TNNI3K: variants seen among roughly 807,000 people sequenced by gnomAD.
TNNI3K encodes the protein TNNI3 interacting kinase.
In TNNI3K, 140 loss-of-function variants were observed where a neutral mutation model predicts 114.5. The observed-to-expected ratio is 1.22, with a 90% confidence interval of 1.07 to 1.41. TNNI3K has a LOEUF of 1.41. TNNI3K is among the 40% of genes most tolerant of loss of function. TNNI3K has a pLI of 0.00. For synonymous variants in TNNI3K, 347 were observed against 347.5 expected (o/e 1.00, Z 0.02); for missense variants, 1,125 against 1,007.6 (o/e 1.12, Z -1.58).
intron 17 of TNNI3K, among the ~76,000 whole-genome samples, chr1:74,404,980 A>G (rs955623373): frequency 1.3e-5 from 2 of 152,226 alleles, no homozygotes; most frequent in South Asian, 4.1e-4. Context: ...AGATTTAAAA[A>G]TATTATTTTT....
intron 5 of TNNI3K, among the ~76,000 whole-genome samples, chr1:74,308,111 G>A (rs1018966372): frequency 6.6e-6 from 1 of 151,830 alleles, no homozygotes; most frequent in African/African-American, 2.4e-5. Flanking sequence ...GCTCATCAAG[G>A]CAGAAAACCA....
chr1:74,421,118 C>G (rs1479566774), intron 17 of TNNI3K, among the ~76,000 whole-genome samples: 1 of 152,064 alleles, frequency 6.6e-6, no homozygotes, highest in Non-Finnish European at 1.5e-5. Flanking sequence ...GGTGGAAGAG[C>G]AATTACTGGA....
chr1:74,372,342 A>G (rs12404339), intron 17 of TNNI3K: 44,589 of 151,604 alleles, frequency 0.29, 7,603 homozygotes, highest in East Asian at 0.63. Flanking sequence ...TGTTGCTCAT[A>G]CAGCTCAGAC....
chr1:74,275,830 T>G (rs1043626147), intron 5 of TNNI3K, among the ~76,000 whole-genome samples: 1 of 152,034 alleles, frequency 6.6e-6, no homozygotes, highest in Non-Finnish European at 1.5e-5. Context: ...ATTTCTGTGG[T>G]TTACAATATA....
At chr1:74,369,296 A>C (rs773757277) in intron 15 of TNNI3K, 32 bp downstream of exon 15, 1 of 1,610,308 alleles carries the variant, frequency 6.2e-7, no homozygotes, top group African/African-American at 1.3e-5. Context: ...TTTAACATCC[A>C]GGTGGAATTG....
intron 4 of TNNI3K, among the ~76,000 whole-genome samples, chr1:74,256,609 G>C (rs1235671920): frequency 6.6e-6 from 1 of 151,848 alleles, no homozygotes; most frequent in Admixed American, 6.6e-5. Context: ...AAGAGTAAAA[G>C]GTTTTTGCAT....
At chr1:74,420,874 C>T (rs1432089107) in intron 17 of TNNI3K, among the ~76,000 whole-genome samples, 2 of 152,036 alleles carry the variant, frequency 1.3e-5, no homozygotes, top group African/African-American at 2.4e-5. Flanking sequence ...TCTATATTGT[C>T]AGGAATTTTA....
At chr1:74,355,818 A>G (rs1377549739) in intron 11 of TNNI3K, among the ~76,000 whole-genome samples, 1 of 152,076 alleles carries the variant, frequency 6.6e-6, no homozygotes, top group Non-Finnish European at 1.5e-5. Flanking sequence ...AGACAAGTGA[A>G]CAGACATAGA....
At chr1:74,341,219 T>C (rs1660731009) in intron 7 of TNNI3K, among the ~76,000 whole-genome samples, 1 of 152,316 alleles carries the variant, frequency 6.6e-6, no homozygotes, top group South Asian at 2.1e-4. Context: ...ACTGTAATTA[T>C]TGACTGTTTA....
intron 21 of TNNI3K, among the ~76,000 whole-genome samples, chr1:74,477,462 C>T (rs1335922864): frequency 2.0e-5 from 3 of 152,030 alleles, no homozygotes; most frequent in Non-Finnish European, 2.9e-5. Context: ...GGAAGACTCA[C>T]CTGTCAGGAA....
At chr1:74,340,257 A>G (rs1660686189) in intron 7 of TNNI3K, among the ~76,000 whole-genome samples, 1 of 152,102 alleles carries the variant, frequency 6.6e-6, no homozygotes, top group South Asian at 2.1e-4. Context: ...TCTCTTCAAA[A>G]CAGAGCACCA....
intron 17 of TNNI3K, chr1:74,371,346 A>G (rs1397796135): frequency 2.0e-5 from 3 of 151,860 alleles, no homozygotes; most frequent in African/African-American, 4.8e-5. Flanking sequence ...GACTACATTC[A>G]GGGAGTTTTC....
intron 4 of TNNI3K, among the ~76,000 whole-genome samples, chr1:74,255,400 C>G (rs1003379022): frequency 6.6e-6 from 1 of 151,868 alleles, no homozygotes; most frequent in Non-Finnish European, 1.5e-5. Flanking sequence ...AATGTAACCC[C>G]GTAAGTCTCA....
At chr1:74,320,494 G>T (rs1412624797) in intron 5 of TNNI3K, among the ~76,000 whole-genome samples, 1 of 152,132 alleles carries the variant, frequency 6.6e-6, no homozygotes, top group Non-Finnish European at 1.5e-5. Context: ...AATTAAGAAA[G>T]TATCTTGCAA....
chr1:74,244,857 T>C (rs1654457704), intron 2 of TNNI3K, among the ~76,000 whole-genome samples: 1 of 151,990 alleles, frequency 6.6e-6, no homozygotes, highest in African/African-American at 2.4e-5. Context: ...TAAAGTGATT[T>C]TCATCTCAAC....
chr1:74,390,742 G>A (rs1413609810), intron 17 of TNNI3K, among the ~76,000 whole-genome samples: 2 of 152,074 alleles, frequency 1.3e-5, no homozygotes, highest in African/African-American at 4.8e-5. Flanking sequence ...GGTAAGTGCT[G>A]TAAAATGTAT....
At chr1:74,282,533 G>A (rs1043430737) in intron 5 of TNNI3K, among the ~76,000 whole-genome samples, 2 of 151,818 alleles carry the variant, frequency 1.3e-5, no homozygotes, top group Non-Finnish European at 2.9e-5. Context: ...CTACCCTAAT[G>A]ACCTTATTTT....
At chr1:74,370,512 C>T in intron 17 of TNNI3K, 120 bp downstream of exon 17, 1 of 765,876 alleles carries the variant, frequency 1.3e-6, no homozygotes, top group Non-Finnish European at 1.9e-6. Context: ...GTTAAGAGGA[C>T]AGGCTACCAT....
At chr1:74,380,187 T>C (rs1315637082) in intron 17 of TNNI3K, among the ~76,000 whole-genome samples, 3 of 152,140 alleles carry the variant, frequency 2.0e-5, no homozygotes, top group Admixed American at 6.6e-5. Flanking sequence ...GTATGCCATT[T>C]GAAATGCTAC....
Sources: allele counts gnomAD v4.1 joint callset (sites outside exome capture counted in the v4.1 genomes callset), GRCh38; gene constraint gnomAD v4.1.1; transcripts MANE v1.5; gene names NCBI Gene and HGNC (gene_info 2026-07-23, HGNC 2026-07-21).